The following HDAC4 variants were observed in gnomAD, a reference collection of about 807,000 sequenced individuals.
HDAC4 encodes the protein histone deacetylase 4.
In HDAC4, 16 loss-of-function variants were observed where a neutral mutation model predicts 135.1. The observed-to-expected ratio is 0.12, with a 90% CI of 0.08 to 0.18. HDAC4 has a LOEUF of 0.18. HDAC4 is among the 10% of genes least tolerant of loss of function. HDAC4 has a pLI of 1.00. For synonymous variants in HDAC4, 685 were observed against 653.4 expected (o/e 1.05, Z -0.74); for missense variants, 1,143 against 1,511.8 (o/e 0.76, Z 4.05).
At chr2:239,269,947 T>C (rs1032231128) in intron 2 of HDAC4, among the ~76,000 whole-genome samples, 10 of 152,064 alleles carry the variant, frequency 6.6e-5, no homozygotes, top group Non-Finnish European at 8.8e-5. Context: ...CAGGGCTTCA[T>C]AGACAAGAGC....
At chr2:239,212,992 C>G (rs758763053) in intron 3 of HDAC4, among the ~76,000 whole-genome samples, 2 of 152,230 alleles carry the variant, frequency 1.3e-5, no homozygotes, top group Non-Finnish European at 2.9e-5. Flanking sequence ...TCTGTACCCA[C>G]GTGGGTTCCA....
chr2:239,395,665 C>T (rs542252690), intron 1 of HDAC4, among the ~76,000 whole-genome samples: 3 of 152,316 alleles, frequency 2.0e-5, no homozygotes, highest in Admixed American at 6.5e-5. Context: ...GTACTTAAAA[C>T]CAGGAGTGGC....
intron 6 of HDAC4, among the ~76,000 whole-genome samples, chr2:239,161,273 A>G (rs2152962967): frequency 6.6e-6 from 1 of 152,322 alleles, no homozygotes; most frequent in African/African-American, 2.4e-5. Flanking sequence ...TGCCTTTGAA[A>G]GAGCAGAAGT....
At chr2:239,227,071 C>G (rs767877950) in intron 3 of HDAC4, among the ~76,000 whole-genome samples, 2 of 152,200 alleles carry the variant, frequency 1.3e-5, no homozygotes, top group African/African-American at 2.4e-5. Flanking sequence ...GTATCAGAGA[C>G]AGCAAAGCTG....
chr2:239,397,330 A>G (rs901338506), intron 1 of HDAC4, among the ~76,000 whole-genome samples: 2 of 152,180 alleles, frequency 1.3e-5, no homozygotes, highest in Non-Finnish European at 2.9e-5. Context: ...TGACACCTAC[A>G]TGGTGAGTGC....
At chr2:239,372,523 G>C (rs1276945604) in intron 1 of HDAC4, among the ~76,000 whole-genome samples, 1 of 152,194 alleles carries the variant, frequency 6.6e-6, no homozygotes, top group Non-Finnish European at 1.5e-5. Flanking sequence ...CTTCGCTTCT[G>C]TGAGTGCCCA....
intron 2 of HDAC4, among the ~76,000 whole-genome samples, chr2:239,295,134 C>T (rs1451795281): frequency 3.3e-5 from 5 of 151,302 alleles, no homozygotes; most frequent in Non-Finnish European, 5.9e-5. Context: ...GGTGAAACCC[C>T]GTCTCTACTA....
At chr2:239,328,684 A>G (rs747359221) in intron 2 of HDAC4, among the ~76,000 whole-genome samples, 1 of 152,234 alleles carries the variant, frequency 6.6e-6, no homozygotes, top group Non-Finnish European at 1.5e-5. Context: ...CACAGCACAC[A>G]TCCGAACTGC....
At chr2:239,144,012 G>A (rs2041587406) in intron 8 of HDAC4, among the ~76,000 whole-genome samples, 2 of 152,154 alleles carry the variant, frequency 1.3e-5, no homozygotes, top group African/African-American at 4.8e-5. Flanking sequence ...AGGGGCGGGT[G>A]AGCCTTCAGG....
At chr2:239,272,542 G>A (rs1203806117) in intron 2 of HDAC4, among the ~76,000 whole-genome samples, 1 of 152,364 alleles carries the variant, frequency 6.6e-6, no homozygotes, top group South Asian at 2.1e-4. Flanking sequence ...AATGGCCCAT[G>A]AGCATGTGAA....
At chr2:239,257,295 G>C (rs2049105979) in intron 2 of HDAC4, among the ~76,000 whole-genome samples, 2 of 151,286 alleles carry the variant, frequency 1.3e-5, no homozygotes, top group South Asian at 4.2e-4. Context: ...TTAGCAGAGA[G>C]AAAAATCACA....
chr2:239,254,711 G>T (rs778136061), intron 2 of HDAC4, among the ~76,000 whole-genome samples: 1 of 152,118 alleles, frequency 6.6e-6, no homozygotes, highest in Non-Finnish European at 1.5e-5. Context: ...TGGAAAAAAT[G>T]TACAAATGCA....
intron 2 of HDAC4, among the ~76,000 whole-genome samples, chr2:239,314,695 C>A (rs532930503): frequency 6.6e-6 from 1 of 152,172 alleles, no homozygotes; most frequent in South Asian, 2.1e-4. Flanking sequence ...AGTAAAATAG[C>A]ACGGAAGAAA....
intron 19 of HDAC4, among the ~76,000 whole-genome samples, chr2:239,085,375 C>G (rs749835572): frequency 3.3e-5 from 5 of 152,176 alleles, no homozygotes; most frequent in African/African-American, 1.2e-4. Context: ...ACCACAGAAA[C>G]GGAGAAACAC....
At chr2:239,094,798 G>T in intron 17 of HDAC4, 3 of 1,426,430 alleles carry the variant, frequency 2.1e-6, no homozygotes, top group Non-Finnish European at 2.8e-6. Context: ...AGCCACCTGC[G>T]CCAGACAACC....
At chr2:239,102,963 A>G (rs963701655) in intron 15 of HDAC4, 67 bp from the exon 16 acceptor site, 2 of 1,600,448 alleles carry the variant, frequency 1.2e-6, no homozygotes, top group Non-Finnish European at 1.7e-6. Flanking sequence ...CCACAGACAG[A>G]AACTCCAACT....
intron 4 of HDAC4, among the ~76,000 whole-genome samples, chr2:239,183,938 A>G (rs2044317749): frequency 6.6e-6 from 1 of 152,028 alleles, no homozygotes; most frequent in South Asian, 2.1e-4. Context: ...TTCCTCCCTG[A>G]AAGGAAGAGT....
At chr2:239,190,555 C>T (rs1037984243) in intron 3 of HDAC4, among the ~76,000 whole-genome samples, 1 of 152,252 alleles carries the variant, frequency 6.6e-6, no homozygotes, top group African/African-American at 2.4e-5. Context: ...CACCGTGCCG[C>T]TGTGAGAGCC....
rs6724175 is a variant in HDAC4 at position 239,069,552 on chromosome 2, T to G, written c.2751-945A>C. ...CCCCACTGCACTTGCTTGGTGAGAG[T>G]GAGTCACAGTGCAAGCCAGCAAGCC... On this transcript the variant is annotated intron_variant, in intron 22 of 26. Transcript: ENST00000543185. Among the ~76,000 whole-genome samples, 528 of 56,272 alleles carry G rather than the reference T, an allele frequency of 9.4e-3. 4 individuals are homozygous for G. The highest frequency in any genetic ancestry group is 0.011 in the Non-Finnish European group (318 of 27,994). 36.9% of individuals were successfully genotyped at this position (56,272 alleles called of 152,430 possible).
Sources: allele counts gnomAD v4.1 joint callset (sites outside exome capture counted in the v4.1 genomes callset), GRCh38; gene constraint gnomAD v4.1.1; transcripts MANE v1.5; gene names NCBI Gene and HGNC (gene_info 2026-07-23, HGNC 2026-07-21).